Variants in NKAIN2 observed in about 807,000 individuals in gnomAD.
The protein encoded by NKAIN2 is sodium/potassium-transporting ATPase subunit beta-1-interacting protein 2.
In NKAIN2, 14 loss-of-function variants were observed where a neutral mutation model predicts 32.6. That is an observed-to-expected ratio of 0.43 (90% CI 0.28 to 0.67). NKAIN2 has a LOEUF of 0.67. Among genes scored for constraint, NKAIN2 ranks in the 30% least tolerant of loss-of-function variants. The pLI is 0.17. For missense variants in NKAIN2, 198 were observed against 258.3 expected (o/e 0.77, Z 1.60); for synonymous variants, 80 against 87.2 (o/e 0.92, Z 0.46).
At chr6:124,604,833 A>T (rs1782439153) in intron 3 of NKAIN2, among the ~76,000 whole-genome samples, 1 of 151,918 alleles carries the variant, frequency 6.6e-6, no homozygotes. Flanking sequence ...TGGCCTTACC[A>T]CCTGGCTTTG....
intron 3 of NKAIN2, among the ~76,000 whole-genome samples, chr6:124,471,486 A>G (rs1292344746): frequency 1.3e-5 from 2 of 152,142 alleles, no homozygotes; most frequent in Non-Finnish European, 2.9e-5. Context: ...AAAGACAGAC[A>G]TAGTCTCAAG....
At chr6:124,035,274 A>C (rs1781563223) in intron 1 of NKAIN2, among the ~76,000 whole-genome samples, 2 of 152,208 alleles carry the variant, frequency 1.3e-5, no homozygotes, top group Admixed American at 1.3e-4. Flanking sequence ...TTGTGCTCTA[A>C]CATCATTGCC....
chr6:124,471,048 C>A (rs1335529832), intron 3 of NKAIN2, among the ~76,000 whole-genome samples: 2 of 152,086 alleles, frequency 1.3e-5, no homozygotes, highest in African/African-American at 4.8e-5. Context: ...AGAGTGGAAT[C>A]CTTGCAACAA....
intron 3 of NKAIN2, among the ~76,000 whole-genome samples, chr6:124,647,771 T>G (rs1784233162): frequency 6.6e-6 from 1 of 152,156 alleles, no homozygotes; most frequent in African/African-American, 2.4e-5. Context: ...AATTTCCACA[T>G]GATTCTGAGA....
rs971022715 is a variant in NKAIN2, at chr6:124,078,113, G to T, written c.55-204892G>T. Among the ~76,000 whole-genome samples the T allele has an allele frequency of 2.0e-5, 3 of 152,194 alleles. No individual in the cohort carries two copies. The East Asian group carries it at 5.8e-4, about 29-fold the overall frequency. ...TAAAGTATAGTTCATTTATTGTCAG[G>T]TTTGTAGCATGGAACTTTCTAAAAT... On this transcript the variant is annotated intron_variant, in intron 1 of 6. Coordinates refer to ENST00000368417, the MANE Select transcript of NKAIN2 (RefSeq NM_001040214.3).
At chr6:124,361,078 G>T (rs552833207) in intron 3 of NKAIN2, among the ~76,000 whole-genome samples, 1 of 152,146 alleles carries the variant, frequency 6.6e-6, no homozygotes, top group Admixed American at 6.5e-5. Context: ...TTTCAACACA[G>T]AAGAGATATG....
intron 1 of NKAIN2, among the ~76,000 whole-genome samples, chr6:123,950,951 G>T (rs762889078): frequency 6.6e-6 from 1 of 151,782 alleles, no homozygotes; most frequent in Non-Finnish European, 1.5e-5. Flanking sequence ...TTTTAGCACT[G>T]CACTTGTATC....
At chr6:124,329,084 C>T (rs879603272) in intron 2 of NKAIN2, among the ~76,000 whole-genome samples, 1 of 152,188 alleles carries the variant, frequency 6.6e-6, no homozygotes, top group African/African-American at 2.4e-5. Context: ...TGTCTCTGTC[C>T]TCTACTATCC....
intron 1 of NKAIN2, among the ~76,000 whole-genome samples, chr6:124,006,118 G>A (rs968396492): frequency 6.6e-6 from 1 of 152,166 alleles, no homozygotes; most frequent in African/African-American, 2.4e-5. Context: ...CCGTGTTTGA[G>A]GAGGAAATTG....
chr6:124,356,031 G>C (rs1302840914), intron 3 of NKAIN2, among the ~76,000 whole-genome samples: 2 of 152,090 alleles, frequency 1.3e-5, no homozygotes, highest in East Asian at 3.9e-4. Context: ...CAAGGTAGTA[G>C]CAAATTCTGA....
intron 1 of NKAIN2, among the ~76,000 whole-genome samples, chr6:124,231,742 C>T (rs1384856409): frequency 6.6e-6 from 1 of 152,084 alleles, no homozygotes; most frequent in Non-Finnish European, 1.5e-5. Flanking sequence ...CCATATGGAA[C>T]TGTAAGTTCA....
chr6:124,721,612 T>C (rs1776024040), intron 4 of NKAIN2, among the ~76,000 whole-genome samples: 2 of 152,152 alleles, frequency 1.3e-5, no homozygotes, highest in African/African-American at 2.4e-5. Context: ...TCTCTCTCCA[T>C]TGAGTTCTTT....
At chr6:123,974,032 G>A (rs1217728379) in intron 1 of NKAIN2, among the ~76,000 whole-genome samples, 1 of 152,094 alleles carries the variant, frequency 6.6e-6, no homozygotes, top group African/African-American at 2.4e-5. Context: ...AAAGAAAAGT[G>A]AAAATAAAAG....
At chr6:123,831,474 C>A (rs554309516) in intron 1 of NKAIN2, among the ~76,000 whole-genome samples, 1 of 146,936 alleles carries the variant, frequency 6.8e-6, no homozygotes, top group Non-Finnish European at 1.5e-5. Context: ...TTTAAGATAG[C>A]CACACTGGTT....
intron 1 of NKAIN2, among the ~76,000 whole-genome samples, chr6:124,006,048 T>C (rs1303900780): frequency 6.6e-6 from 1 of 152,222 alleles, no homozygotes; most frequent in African/African-American, 2.4e-5. Context: ...GCTGTTGTTA[T>C]GCTATTTGCG....
At chr6:124,725,899 C>T (rs144856181) in intron 4 of NKAIN2, among the ~76,000 whole-genome samples, 12 of 152,222 alleles carry the variant, frequency 7.9e-5, no homozygotes, top group East Asian at 3.8e-4. Flanking sequence ...ACTTGGGAAG[C>T]GCAAGGGGTC....
In NKAIN2 at chr6:123,895,691, T is replaced by G. The variant is rs143356003; in HGVS notation, c.54+91437T>G. On this transcript the variant is annotated intron_variant, in intron 1 of 6. Transcript: ENST00000368417. Reference sequence around the variant, plus strand: ...TAATGCAAACGTAAGTTTAAAAGTATTATGAGATAGTAGATGCAAATGCAG... The same window carrying G: ...TAATGCAAACGTAAGTTTAAAAGTAGTATGAGATAGTAGATGCAAATGCAG... Among the ~76,000 whole-genome samples, 743 of 152,334 alleles carry G rather than the reference T, an allele frequency of 4.9e-3. 5 individuals are homozygous for G. The highest frequency in any genetic ancestry group is 0.017 in the African/African-American group (707 of 41,582).
Position 124,453,185 on chromosome 6 carries a change from A to G in NKAIN2, c.273+97838A>G, listed in dbSNP as rs147348123. ...AAACAGAGGGCATTCATAGCTAACA[A>G]TACCATATTTTATTTTATCTTCCTG... On this transcript the variant is annotated intron_variant, in intron 3 of 6. Coordinates refer to ENST00000368417, the MANE Select transcript of NKAIN2 (RefSeq NM_001040214.3). 4.7e-3 allele frequency among the ~76,000 whole-genome samples: 707 copies of G among 152,028 alleles called. 2 individuals are homozygous for G. The highest frequency in any genetic ancestry group is 6.5e-3 in the Non-Finnish European group (443 of 67,958).
chr6:124,054,305 A>G (rs1003173282), intron 1 of NKAIN2, among the ~76,000 whole-genome samples: 1 of 152,092 alleles, frequency 6.6e-6, no homozygotes, highest in Non-Finnish European at 1.5e-5. Context: ...AAAGCCTGAC[A>G]GTGTAAAATA....
Sources: allele counts gnomAD v4.1 joint callset (sites outside exome capture counted in the v4.1 genomes callset), GRCh38; gene constraint gnomAD v4.1.1; transcripts MANE v1.5; gene names NCBI Gene and HGNC (gene_info 2026-07-23, HGNC 2026-07-21).